Variants in ITGA8 observed in about 807,000 individuals in gnomAD.
ITGA8 encodes integrin subunit alpha 8, also known as integrin alpha-8.
ITGA8 carries 91 observed loss-of-function variants against 142.3 expected under a neutral mutation model. The observed-to-expected ratio is 0.64, with a 90% CI of 0.54 to 0.76. The LOEUF is 0.76. ITGA8 is among the 30% of genes least tolerant of loss of function. ITGA8 has a pLI of 0.00. For synonymous variants in ITGA8, 505 were observed against 485.2 expected, an observed-to-expected ratio of 1.04 and a Z score of -0.54; for missense variants, 1,406 against 1,327.7, an observed-to-expected ratio of 1.06 and a Z score of -0.92.
chr10:15,519,561 G>A (rs1291758344), intron 28 of ITGA8, 149 bp from the exon 29 acceptor site: 6 of 827,392 alleles, frequency 7.3e-6, no homozygotes, highest in South Asian at 1.5e-5. Context: ...GGTAGCACTC[G>A]AACATGAACT....
At chr10:15,660,309 G>A (rs1359384786) in intron 9 of ITGA8, among the ~76,000 whole-genome samples, 1 of 152,148 alleles carries the variant, frequency 6.6e-6, no homozygotes, top group African/African-American at 2.4e-5. Context: ...TTATGAACAA[G>A]GGGTCTGTGT....
At chr10:15,714,594 T>A (rs1183702867) in intron 2 of ITGA8, among the ~76,000 whole-genome samples, 2 of 152,200 alleles carry the variant, frequency 1.3e-5, no homozygotes. Flanking sequence ...GCATTTGAAG[T>A]GCTGGGCCTA....
At chr10:15,617,845 T>C (rs1372747812) in intron 13 of ITGA8, among the ~76,000 whole-genome samples, 1 of 152,036 alleles carries the variant, frequency 6.6e-6, no homozygotes, top group African/African-American at 2.4e-5. Context: ...CCATCAACAG[T>C]GGATTGGATA....
chr10:15,580,932 G>A (rs973630943), intron 23 of ITGA8, among the ~76,000 whole-genome samples: 5 of 152,092 alleles, frequency 3.3e-5, no homozygotes, highest in African/African-American at 1.2e-4. Flanking sequence ...TATGCAATAA[G>A]GGAAGAAAAA....
At chr10:15,696,829 C>T (rs796990334) in intron 2 of ITGA8, among the ~76,000 whole-genome samples, 19 of 147,602 alleles carry the variant, frequency 1.3e-4, no homozygotes, top group African/African-American at 3.6e-4. Context: ...CGCACTCCAG[C>T]CTGGACAACA....
At chr10:15,703,471 A>C (rs1359982224) in intron 2 of ITGA8, among the ~76,000 whole-genome samples, 1 of 152,238 alleles carries the variant, frequency 6.6e-6, no homozygotes, top group Non-Finnish European at 1.5e-5. Flanking sequence ...CCTATGGATT[A>C]TACGATGCAA....
chr10:15,702,057 C>T (rs1259210596), intron 2 of ITGA8, among the ~76,000 whole-genome samples: 1 of 152,116 alleles, frequency 6.6e-6, no homozygotes, highest in Non-Finnish European at 1.5e-5. Context: ...GAAAATTAAA[C>T]TTCCAAATGT....
At chr10:15,613,859 A>G (rs750708299) in intron 14 of ITGA8, 92 bp from the exon 15 acceptor site, 1 of 844,488 alleles carries the variant, frequency 1.2e-6, no homozygotes, top group African/African-American at 1.7e-5. Context: ...ACTCAGTAGT[A>G]GACAGAATAC....
At chr10:15,536,253 C>G (rs751928835) in intron 27 of ITGA8, among the ~76,000 whole-genome samples, 61 of 152,004 alleles carry the variant, frequency 4.0e-4, no homozygotes, top group Non-Finnish European at 6.8e-4. Flanking sequence ...TTGTTTTGAA[C>G]GCATTCTTCA....
chr10:15,594,163 A>G (rs779258861), intron 21 of ITGA8, among the ~76,000 whole-genome samples: 1 of 151,996 alleles, frequency 6.6e-6, no homozygotes, highest in Non-Finnish European at 1.5e-5. Flanking sequence ...TAAAAATTCC[A>G]AAGGAGCAAT....
At chr10:15,547,608 A>T (rs905095944) in intron 27 of ITGA8, among the ~76,000 whole-genome samples, 1 of 152,124 alleles carries the variant, frequency 6.6e-6, no homozygotes, top group African/African-American at 2.4e-5. Context: ...TGCACAAATC[A>T]ATGGAATGAT....
chr10:15,625,353 CTGTT>C (rs1325926277), intron 13 of ITGA8, among the ~76,000 whole-genome samples: 1 of 152,228 alleles, frequency 6.6e-6, no homozygotes, highest in Non-Finnish European at 1.5e-5. Context: ...CCACCTTCAA[CTGTT>C]TGATCCTAAA....
chr10:15,548,080 T>A (rs566102164), intron 27 of ITGA8, among the ~76,000 whole-genome samples: 303 of 152,086 alleles, frequency 2.0e-3, no homozygotes, highest in Non-Finnish European at 3.1e-3. Context: ...TTTTTTTAAG[T>A]TTAAAATTCA....
intron 15 of ITGA8, among the ~76,000 whole-genome samples, chr10:15,610,941 T>C (rs573785519): frequency 6.6e-6 from 1 of 152,312 alleles, no homozygotes; most frequent in South Asian, 2.1e-4. Flanking sequence ...TTAATATTTA[T>C]TGAGCTGGCT....
chr10:15,584,698 G>A (rs1832792835), intron 23 of ITGA8, among the ~76,000 whole-genome samples: 1 of 152,062 alleles, frequency 6.6e-6, no homozygotes, highest in African/African-American at 2.4e-5. Flanking sequence ...AAAAACAATT[G>A]CAAAAAGGAA....
intron 2 of ITGA8, among the ~76,000 whole-genome samples, chr10:15,695,912 T>C (rs1835042598): frequency 1.3e-5 from 2 of 152,334 alleles, no homozygotes; most frequent in Admixed American, 6.5e-5. Context: ...TCAAGTCCTG[T>C]GATCCCTGAA....
At chr10:15,613,886 A>T in intron 14 of ITGA8, 119 bp from the exon 15 acceptor site, 5 of 667,960 alleles carry the variant, frequency 7.5e-6, no homozygotes, top group Non-Finnish European at 1.3e-5. Flanking sequence ...GGCCATTGCC[A>T]ACGTTCTCAG....
intron 2 of ITGA8, among the ~76,000 whole-genome samples, chr10:15,689,967 A>C (rs1276173741): frequency 1.3e-5 from 2 of 152,074 alleles, no homozygotes; most frequent in Non-Finnish European, 2.9e-5. Context: ...TCCAGCACTT[A>C]AGGGAGCTTT....
At chr10:15,671,135 C>A (rs1834508084) in intron 8 of ITGA8, among the ~76,000 whole-genome samples, 1 of 152,120 alleles carries the variant, frequency 6.6e-6, no homozygotes, top group South Asian at 2.1e-4. Context: ...AAGGGATATA[C>A]AGGAGATAGG....
Sources: allele counts gnomAD v4.1 joint callset (sites outside exome capture counted in the v4.1 genomes callset), GRCh38; gene constraint gnomAD v4.1.1; transcripts MANE v1.5; gene names NCBI Gene and HGNC (gene_info 2026-07-23, HGNC 2026-07-21).